ACAD11: variants seen among roughly 807,000 people sequenced by gnomAD.
ACAD11 encodes the protein acyl-Coenzyme A dehydrogenase family, member 11.
In ACAD11, 83 loss-of-function variants were observed where a neutral mutation model predicts 102.2. That is an observed-to-expected ratio of 0.81 (90% CI 0.68 to 0.97). The LOEUF is 0.97. Ranked by LOEUF, ACAD11 falls within the 50% of genes least tolerant of loss-of-function variation. The pLI is 0.00. For synonymous variants in ACAD11, 324 were observed against 319.8 expected (o/e 1.01, Z -0.14); for missense variants, 901 against 951.7 (o/e 0.95, Z 0.70).
Position 132,641,701 on chromosome 3 carries a change from A to AGAG in ACAD11, c.537+270_537+271insCTC, listed in dbSNP as rs1437084258. 7.0e-3 allele frequency among the ~76,000 whole-genome samples: 906 copies of AGAG among 128,666 alleles called. 11 individuals carry two copies. The highest frequency in any genetic ancestry group is 0.025 in the African/African-American group (786 of 31,904). 84.4% of individuals were successfully genotyped at this position (128,666 alleles called of 152,430 possible). A position where few individuals can be genotyped will look rare whatever the true frequency, so the allele number is the denominator to read the frequency against. ...AAGAGGAAGAGGAAGAGGAAGAGGAAGAAGAAGAAGAAGAAGAAGAAGAAG... is the reference window on the plus strand; with the variant it reads ...AAGAGGAAGAGGAAGAGGAAGAGGAAGAGGAAGAAGAAGAAGAAGAAGAAGAAG... On this transcript the variant is annotated intron_variant, in intron 4 of 19. Transcript: ENST00000264990.
chr3:132,657,619 T>C lies in ACAD11; in HGVS notation c.149+1984A>G, dbSNP rs535855315. On this transcript the variant is annotated intron_variant, in intron 1 of 19. Coordinates refer to ENST00000264990, the MANE Select transcript of ACAD11 (RefSeq NM_032169.5). ...CCTAATAAAAGTTTTATCATTTCTC[T>C]ACAAAGGTATTGCACATCTTTTACT... Among the ~76,000 whole-genome samples, 13 of 152,326 alleles carry C rather than the reference T, an allele frequency of 8.5e-5. No individual in the cohort carries two copies. In the South Asian group the frequency reaches 2.7e-3, roughly 32 times the overall value.
chr3:132,597,735 A>G (rs1157358909), intron 13 of ACAD11, among the ~76,000 whole-genome samples: 1 of 152,060 alleles, frequency 6.6e-6, no homozygotes, highest in Non-Finnish European at 1.5e-5. Context: ...CATTTTTAGT[A>G]AGATTAATTC....
Position 132,628,339 on chromosome 3 carries a change from C to A in ACAD11, c.1070+1G>T. 1 of 1,608,268 alleles carries A rather than the reference C, an allele frequency of 6.2e-7. No homozygotes were observed. The highest frequency in any genetic ancestry group is 8.5e-7 in the Non-Finnish European group (1 of 1,176,588). On this transcript the variant is annotated splice_donor_variant, in intron 8 of 19. Coordinates refer to ENST00000264990, the MANE Select transcript of ACAD11 (RefSeq NM_032169.5). LOFTEE classifies it high-confidence loss of function. The stretch of plus-strand genomic sequence containing the variant: ...TTAGCCAAGGAATCTGTTTTCCTTA[C>A]CGTTTGGAGAGTTGTAGTCCAGTTT...
intron 5 of ACAD11, among the ~76,000 whole-genome samples, chr3:132,638,556 A>G (rs1401707947): frequency 2.0e-5 from 3 of 152,182 alleles, no homozygotes; most frequent in South Asian, 2.1e-4. Context: ...AAGCACCTGC[A>G]ATATAAAGAT....
intron 18 of ACAD11, among the ~76,000 whole-genome samples, chr3:132,560,404 C>T (rs997772800): frequency 1.3e-5 from 2 of 151,994 alleles, no homozygotes; most frequent in Non-Finnish European, 2.9e-5. Flanking sequence ...TCATGCTGTG[C>T]ATTTTTTGTT....
intron 13 of ACAD11, among the ~76,000 whole-genome samples, chr3:132,583,035 G>C (rs1318764575): frequency 6.6e-6 from 1 of 152,108 alleles, no homozygotes; most frequent in Non-Finnish European, 1.5e-5. Flanking sequence ...TCTCTGCCAG[G>C]CTTTGGTATC....
chr3:132,567,273 A>G (rs1937240383), intron 17 of ACAD11, among the ~76,000 whole-genome samples: 1 of 152,206 alleles, frequency 6.6e-6, no homozygotes, highest in Admixed American at 6.5e-5. Flanking sequence ...CTACTGCGCC[A>G]GGCCCAAGAC....
chr3:132,580,024 G>T (rs887075030), intron 13 of ACAD11, among the ~76,000 whole-genome samples: 1 of 151,974 alleles, frequency 6.6e-6, no homozygotes, highest in Admixed American at 6.6e-5. Context: ...TCACAGTTCA[G>T]GGGTCTGTGG....
chr3:132,615,539 A>G (rs1939370525), intron 11 of ACAD11, among the ~76,000 whole-genome samples: 1 of 152,176 alleles, frequency 6.6e-6, no homozygotes, highest in South Asian at 2.1e-4. Context: ...ACATGGATGA[A>G]GCTGGAAACC....
chr3:132,644,860 C>T lies in ACAD11; in HGVS notation c.186G>A (p.Lys62=). ...TCCTGAGCACATATGTTTGAAAGCC[C>T]TTCTGGAGATAAAAGGTTGGATTGG... The part of the protein sequence containing the change: ...GKSNPTFYLQ[K]GFQTYVLRKK... The change falls in exon 2 of 20, where the codon AAG becomes AAA. Residue 62 remains lysine (K), a synonymous_variant. Transcript: ENST00000264990. 2.5e-6 allele frequency: 4 copies of T among 1,611,788 alleles called. No individual in the cohort carries two copies. Among genetic ancestry groups the T allele is most frequent in the Non-Finnish European group, 3.4e-6 (4 of 1,179,264 alleles).
intron 18 of ACAD11, among the ~76,000 whole-genome samples, chr3:132,560,701 G>A (rs1052882044): frequency 1.3e-5 from 2 of 152,058 alleles, no homozygotes; most frequent in African/African-American, 4.8e-5. Flanking sequence ...GCCACTGTAC[G>A]TGGCTTCTGC....
intron 11 of ACAD11, among the ~76,000 whole-genome samples, chr3:132,608,839 T>A (rs1020921368): frequency 6.6e-6 from 1 of 152,176 alleles, no homozygotes; most frequent in African/African-American, 2.4e-5. Flanking sequence ...AGAATATACA[T>A]CCTTCTCAGC....
At chr3:132,606,818 C>A (rs368420615) in intron 11 of ACAD11, among the ~76,000 whole-genome samples, 8 of 152,218 alleles carry the variant, frequency 5.3e-5, no homozygotes, top group African/African-American at 1.9e-4. Flanking sequence ...GTCCCTGACC[C>A]CCGTGCCTTC....
At chr3:132,601,033 C>T (rs1938565899) in intron 13 of ACAD11, 1 of 1,613,896 alleles carries the variant, frequency 6.2e-7, no homozygotes, top group Non-Finnish European at 8.5e-7. Context: ...TTGTAGTACC[C>T]TTTCTTATTA....
chr3:132,588,688 C>T (rs1474018708), intron 13 of ACAD11, among the ~76,000 whole-genome samples: 1 of 152,108 alleles, frequency 6.6e-6, no homozygotes, highest in Non-Finnish European at 1.5e-5. Flanking sequence ...TTAATCAGTT[C>T]AGAAAGGACC....
chr3:132,618,789 C>A lies in ACAD11; in HGVS notation c.1276-17G>T. 6.5e-7 allele frequency: 1 copy of A among 1,547,860 alleles called. No homozygotes were observed. Among genetic ancestry groups the A allele is most frequent in the Non-Finnish European group, 8.7e-7 (1 of 1,153,336 alleles). On this transcript the variant is annotated splice_polypyrimidine_tract_variant and intron_variant, in intron 10 of 19. Transcript: ENST00000264990. ...GGCCATTTCCTGTCAAGGTGATGAA[C>A]ATGCCAGAGTGACCATAATTTACCA...
intron 5 of ACAD11, among the ~76,000 whole-genome samples, chr3:132,634,924 G>A (rs1940215870): frequency 6.7e-6 from 1 of 149,658 alleles, no homozygotes; most frequent in African/African-American, 2.5e-5. Flanking sequence ...GGGGTGGGGA[G>A]GGATAGCATT....
chr3:132,594,171 G>A (rs1938201223), intron 13 of ACAD11, among the ~76,000 whole-genome samples: 1 of 152,116 alleles, frequency 6.6e-6, no homozygotes, highest in Admixed American at 6.6e-5. Context: ...CAAGGGCTTT[G>A]TATGTGTCTG....
intron 6 of ACAD11, 73 bp downstream of exon 6, chr3:132,631,268 T>C (rs1940031241): frequency 1.1e-5 from 10 of 927,316 alleles, no homozygotes; most frequent in Non-Finnish European, 1.3e-5. Flanking sequence ...TTGCAAGATT[T>C]ATATTTTAAT....
Sources: allele counts gnomAD v4.1 joint callset (sites outside exome capture counted in the v4.1 genomes callset), GRCh38; gene constraint gnomAD v4.1.1; transcripts MANE v1.5; gene names NCBI Gene and HGNC (gene_info 2026-07-23, HGNC 2026-07-21).